Variants in PDSS1 observed in about 807,000 individuals in gnomAD.
The protein encoded by PDSS1 is decaprenyl diphosphate synthase subunit 1, also known as all trans-polyprenyl-diphosphate synthase PDSS1.
Under a neutral mutation model 57.5 loss-of-function variants are expected in PDSS1, and 43 were observed. The ratio of observed to expected loss-of-function variants is 0.75; its 90% CI spans 0.59 to 0.96. The LOEUF (loss-of-function observed/expected upper bound fraction) is 0.96, where lower values mean the gene tolerates loss of function less well. Among genes scored for constraint, PDSS1 ranks in the 50% least tolerant of loss-of-function variants. The pLI, the probability that PDSS1 is intolerant of heterozygous loss-of-function variation, is 0.00. For synonymous variants in PDSS1, 175 were observed against 191.3 expected, an observed-to-expected ratio of 0.91 and a Z score of 0.70; for missense variants, 438 against 527.8, an observed-to-expected ratio of 0.83 and a Z score of 1.67.
chr10:26,728,799 G>T lies in PDSS1; in HGVS notation c.831+4676G>T, dbSNP rs1836060420. 1.7e-4 allele frequency among the ~76,000 whole-genome samples: 9 copies of T among 53,942 alleles called. No homozygotes were observed. The South Asian group carries it at 2.5e-3, about 15-fold the overall frequency. 35.4% of individuals were successfully genotyped at this position (53,942 alleles called of 152,430 possible). ...CTTTTTTTTTTTTTTTTTTTTTTGA[G>T]CCAGGGTATCACTCTGTCACCCACG... On this transcript the variant is annotated intron_variant, in intron 8 of 11. Coordinates refer to ENST00000376215, the MANE Select transcript of PDSS1 (RefSeq NM_014317.5).
chr10:26,702,677 A>G (rs1338294062), intron 2 of PDSS1, among the ~76,000 whole-genome samples: 1 of 152,120 alleles, frequency 6.6e-6, no homozygotes, highest in Non-Finnish European at 1.5e-5. Flanking sequence ...GTGAAAACAT[A>G]CTAATACACC....
In PDSS1 at chr10:26,746,386, A is replaced by AAT; in HGVS notation, c.1163_1164dup (p.Arg389Ter). The AAT allele has an allele frequency of 6.2e-7, 1 of 1,614,130 alleles. No individual in the cohort carries two copies. Among genetic ancestry groups the AAT allele is most frequent in the Non-Finnish European group, 8.5e-7 (1 of 1,179,952 alleles). ...TCGCCCAGCAGTACTGCCATGAAGC[A>AAT]ATAAGAGAGATCAGTAAACTTCGAC... On this transcript the variant is annotated frameshift_variant, in exon 12 of 12. Coordinates refer to ENST00000376215, the MANE Select transcript of PDSS1 (RefSeq NM_014317.5). LOFTEE classifies it high-confidence loss of function.
At chr10:26,702,658 T>C (rs931111930) in intron 2 of PDSS1, among the ~76,000 whole-genome samples, 1 of 152,130 alleles carries the variant, frequency 6.6e-6, no homozygotes, top group Non-Finnish European at 1.5e-5. Flanking sequence ...GGTATTTCTT[T>C]ATAGCAATGT....
In PDSS1 at chr10:26,742,576, A is replaced by C; in HGVS notation, c.1106A>C (p.Gln369Pro). The C allele has an allele frequency of 6.3e-7, 1 of 1,594,298 alleles. No homozygotes were observed. Among genetic ancestry groups the C allele is most frequent in the East Asian group, 2.2e-5 (1 of 44,790 alleles). Residue 369 changes from glutamine (Q) to proline (P), a missense_variant and splice_region_variant, in exon 11 of 12, where the codon CAG (glutamine) becomes CCG (proline). This residue lies in a region of PDSS1 where 284 missense variants were observed against 390.7 expected (regional missense o/e 0.73). Transcript: ENST00000376215. Reference sequence around the variant, plus strand: ...GACAGAGCTCGACAGTATGTACTACAGGTAAGACTGTTTTTTTAAAAAAAA... The same window carrying C: ...GACAGAGCTCGACAGTATGTACTACCGGTAAGACTGTTTTTTTAAAAAAAA... ...DVDRARQYVLQSDGVQQTTYL... is the reference protein window; with the variant it reads ...DVDRARQYVLPSDGVQQTTYL...
intron 4 of PDSS1, among the ~76,000 whole-genome samples, chr10:26,709,382 A>C (rs1835345860): frequency 6.6e-6 from 1 of 152,174 alleles, no homozygotes; most frequent in African/African-American, 2.4e-5. Flanking sequence ...CAACGTGGTG[A>C]AATCCCGTCT....
At chr10:26,733,888 C>T (rs1836298432) in intron 8 of PDSS1, among the ~76,000 whole-genome samples, 1 of 152,002 alleles carries the variant, frequency 6.6e-6, no homozygotes, top group Non-Finnish European at 1.5e-5. Context: ...GCGGAAGGAA[C>T]CCTTGAGCCC....
intron 8 of PDSS1, among the ~76,000 whole-genome samples, chr10:26,725,934 A>C (rs1246796475): frequency 1.3e-5 from 2 of 152,220 alleles, no homozygotes; most frequent in Non-Finnish European, 2.9e-5. Context: ...TGTTTAAAAA[A>C]TAAAGTCTTA....
In PDSS1 at chr10:26,719,497, C is replaced by T. The variant is rs79935624; in HGVS notation, c.468-721C>T. Among the ~76,000 whole-genome samples, 1,767 of 152,296 alleles carry T rather than the reference C, an allele frequency of 0.012. 92 individuals are homozygous for T. In the South Asian group the frequency reaches 0.16, roughly 14 times the overall value. On this transcript the variant is annotated intron_variant, in intron 5 of 11. Transcript: ENST00000376215. ...ATTTAAGACATTACTACGCGGGGTG[C>T]GGTGGCTTACGCCTGTAATCCACAC...
Position 26,746,655 on chromosome 10 carries a change from A to C in PDSS1, c.*182A>C, listed in dbSNP as rs546969737. 1 of 615,108 alleles carries C rather than the reference A, an allele frequency of 1.6e-6. No homozygotes were observed. Among genetic ancestry groups the C allele is most frequent in the Non-Finnish European group, 2.9e-6 (1 of 350,020 alleles). 38.1% of individuals were successfully genotyped at this position (615,108 alleles called of 1,614,324 possible). On this transcript the variant is annotated 3_prime_UTR_variant, in exon 12 of 12. Coordinates refer to ENST00000376215, the MANE Select transcript of PDSS1 (RefSeq NM_014317.5). ...TTTTTTCAGAAAACTTTTTAAATGT[A>C]ATTAATAAACCACCTGAATCTGTCA... is the stretch of plus-strand genomic sequence containing the variant.
At position 26,742,484 on chromosome 10, in the gene PDSS1, CTT is replaced by C. The variant is rs527296865; in HGVS notation, c.1027-7_1027-6del. ...AAATAGATTTTCTCAGATTTTCTCT[CTT>C]TTTTTGTTAGTTCCCAGAAATGAAT... On this transcript the variant is annotated splice_polypyrimidine_tract_variant and intron_variant, in intron 10 of 11. Transcript: ENST00000376215. The C allele has an allele frequency of 2.4e-4, 389 of 1,593,948 alleles. 3 individuals are homozygous for C. The East Asian group carries it at 8.5e-3, about 35-fold the overall frequency.
chr10:26,722,002 G>T (rs752288817), intron 6 of PDSS1, among the ~76,000 whole-genome samples: 2 of 152,146 alleles, frequency 1.3e-5, no homozygotes, highest in African/African-American at 4.8e-5. Flanking sequence ...CCCTTGTTAG[G>T]CCTGGCCTGG....
chr10:26,734,792 T>C (rs982232951), intron 8 of PDSS1: 4 of 456,268 alleles, frequency 8.8e-6, no homozygotes, highest in African/African-American at 8.0e-5. Context: ...TACATTAGTA[T>C]CTCTTCCTGA....
chr10:26,741,230 A>G (rs899781889), intron 10 of PDSS1, among the ~76,000 whole-genome samples: 16 of 152,166 alleles, frequency 1.1e-4, no homozygotes, highest in African/African-American at 3.9e-4. Flanking sequence ...CACACCTGTA[A>G]TCCCAGCACT....
At chr10:26,707,258 C>T (rs118008559) in intron 4 of PDSS1, among the ~76,000 whole-genome samples, 1 of 152,150 alleles carries the variant, frequency 6.6e-6, no homozygotes, top group Admixed American at 6.5e-5. Flanking sequence ...CATTTTGCCT[C>T]TTAGTGTGCA....
In PDSS1 at chr10:26,741,431, C is replaced by G. The variant is rs189770528; in HGVS notation, c.1027-1066C>G. Among the ~76,000 whole-genome samples the G allele has an allele frequency of 3.3e-5, 5 of 152,072 alleles. No homozygotes were observed. In the East Asian group the frequency reaches 9.7e-4, roughly 30 times the overall value. On this transcript the variant is annotated intron_variant, in intron 10 of 11. Transcript: ENST00000376215. ...CCGGGAGGCAGAGGTTGTGGTGAGC[C>G]GAGGTCGTGCCACTGCACCACTCCA...
Position 26,742,506 on chromosome 10 carries a change from A to C in PDSS1, c.1036A>C (p.Met346Leu). 6.2e-7 allele frequency: 1 copy of C among 1,611,058 alleles called. No individual in the cohort carries two copies. Among genetic ancestry groups the C allele is most frequent in the Non-Finnish European group, 8.5e-7 (1 of 1,177,748 alleles). Residue 346 changes from methionine (M) to leucine (L), a missense_variant, in exon 11 of 12, where the codon ATG becomes CTG. Met to Leu is a conservative substitution (Grantham distance 15). Around this residue, in one of 2 missense-constraint regions of PDSS1, gnomAD observed 284 missense variants for 390.7 expected, o/e 0.73. Coordinates refer to ENST00000376215, the MANE Select transcript of PDSS1 (RefSeq NM_014317.5). The part of the protein sequence containing the change: ...VLFACQQFPE[M>L]NAMIMRRFSL... ...TCTCTTTTTTTGTTAGTTCCCAGAA[A>C]TGAATGCTATGATCATGCGACGGTT... is the stretch of plus-strand genomic sequence containing the variant.
At chr10:26,727,841 T>A (rs1836011176) in intron 8 of PDSS1, among the ~76,000 whole-genome samples, 1 of 152,186 alleles carries the variant, frequency 6.6e-6, no homozygotes, top group Non-Finnish European at 1.5e-5. Context: ...AGAACAGTCT[T>A]TCTTTGCCTC....
chr10:26,727,549 G>A (rs377056727), intron 8 of PDSS1, among the ~76,000 whole-genome samples: 33 of 149,580 alleles, frequency 2.2e-4, no homozygotes, highest in East Asian at 3.9e-4. Context: ...AGGCTGGAGC[G>A]CAGTGGCATG....
At chr10:26,704,842 G>GC in intron 3 of PDSS1, 101 bp downstream of exon 3, 1 of 713,964 alleles carries the variant, frequency 1.4e-6, no homozygotes, top group South Asian at 1.5e-5. Flanking sequence ...TCACTGTGTT[G>GC]CCCAGGCTGG....
Sources: allele counts gnomAD v4.1 joint callset (sites outside exome capture counted in the v4.1 genomes callset), GRCh38; gene constraint gnomAD v4.1.1; regional missense constraint gnomAD v4.1.1; transcripts MANE v1.5; gene names NCBI Gene and HGNC (gene_info 2026-07-23, HGNC 2026-07-21).